CEP164: variants seen among roughly 807,000 people sequenced by gnomAD.
The protein encoded by CEP164 is centrosomal protein of 164 kDa.
Under a neutral mutation model 182.7 loss-of-function variants are expected in CEP164, and 162 were observed. The observed-to-expected ratio is 0.89, with a 90% CI of 0.78 to 1.01. The LOEUF (loss-of-function observed/expected upper bound fraction) is 1.01. CEP164 is among the 50% of genes least tolerant of loss of function. CEP164 has a pLI of 0.00. For synonymous variants in CEP164, 661 were observed against 690.0 expected (o/e 0.96, Z 0.66); for missense variants, 1,735 against 1,790.4 (o/e 0.97, Z 0.56).
Position 117,409,459 on chromosome 11 carries a change from G to A in CEP164, c.3749-159G>A. The A allele has an allele frequency of 2.9e-6, 2 of 684,818 alleles. No individual in the cohort carries two copies. The highest frequency in any genetic ancestry group is 5.0e-6 in the Non-Finnish European group (2 of 401,724). The allele number at this position is 684,818 out of a possible 1,614,324, so 42.4% of individuals were successfully genotyped here. ...TCTCACTTGCACTGTCTGGAACACA[G>A]AAGCCCTGCCATCCCTGACCCCCTC... On this transcript the variant is annotated intron_variant, in intron 29 of 32. Coordinates refer to ENST00000278935, the MANE Select transcript of CEP164 (RefSeq NM_014956.5). This position sits in a 1 kb window ranked among gnomAD's most constrained non-coding sequence, Gnocchi z 4.4.
At chr11:117,345,731 G>T (rs956842269) in intron 4 of CEP164, among the ~76,000 whole-genome samples, 11 of 151,722 alleles carry the variant, frequency 7.3e-5, no homozygotes, top group African/African-American at 2.7e-4. Context: ...TTGTTGCCCA[G>T]ACTGGAGTGC....
upstream of CEP164, among the ~76,000 whole-genome samples, chr11:117,327,315 A>G (rs2035508141): frequency 6.6e-6 from 1 of 152,168 alleles, no homozygotes; most frequent in African/African-American, 2.4e-5. Context: ...TTGATTATTG[A>G]TGACCACTGT....
In CEP164 at chr11:117,362,391, C is replaced by T. The variant is rs1592163839; in HGVS notation, c.553-13C>T. ...CCAAGTGAGTCCTTTGACTGTCCTT[C>T]TCTATTTTGAAGCCTTCACAGGGTC... On this transcript the variant is annotated splice_polypyrimidine_tract_variant and intron_variant, in intron 6 of 32. Coordinates refer to ENST00000278935, the MANE Select transcript of CEP164 (RefSeq NM_014956.5). The T allele has an allele frequency of 6.2e-7, 1 of 1,608,218 alleles. No homozygotes were observed. The highest frequency in any genetic ancestry group is 8.5e-7 in the Non-Finnish European group (1 of 1,176,144).
chr11:117,382,752 T>G (rs768486826), intron 13 of CEP164, 44 bp from the exon 14 acceptor site: 1 of 1,602,022 alleles, frequency 6.2e-7, no homozygotes, highest in East Asian at 2.2e-5. Context: ...AGCCTCTTGC[T>G]TTCTTACTGG....
chr11:117,324,921 C>A (rs566864118), upstream of CEP164, among the ~76,000 whole-genome samples: 4 of 152,146 alleles, frequency 2.6e-5, no homozygotes, highest in East Asian at 5.8e-4. Flanking sequence ...AAACAAAAAA[C>A]CAGATTGATT....
chr11:117,393,269 G>A, intron 20 of CEP164, 143 bp downstream of exon 20: 2 of 1,377,016 alleles, frequency 1.5e-6, no homozygotes, highest in Non-Finnish European at 1.9e-6. Context: ...GCAGAGGAAG[G>A]GGATAAACTG....
rs761834530 is a variant in CEP164 at position 117,395,022 on chromosome 11, T to C, written c.2844+19T>C. ...GGTCCAGGTGAGGGATCTGCAGGAGTCCTTGACCTCAGAGTCATAGCTTCT... is the reference window on the plus strand; with the variant it reads ...GGTCCAGGTGAGGGATCTGCAGGAGCCCTTGACCTCAGAGTCATAGCTTCT... On this transcript the variant is annotated intron_variant, in intron 22 of 32. Transcript: ENST00000278935. 2.5e-6 allele frequency: 4 copies of C among 1,613,134 alleles called. No individual in the cohort carries two copies. The East Asian group carries it at 6.7e-5, about 27-fold the overall frequency.
At chr11:117,363,305 C>T in intron 7 of CEP164, 124 bp from the exon 8 acceptor site, 1 of 661,532 alleles carries the variant, frequency 1.5e-6, no homozygotes. Flanking sequence ...GCTCTGAGTC[C>T]TCTGAAGCCC....
At chr11:117,395,772 C>T (rs1414722619) in intron 24 of CEP164, 50 bp downstream of exon 24, 4 of 1,551,102 alleles carry the variant, frequency 2.6e-6, no homozygotes, top group African/African-American at 2.7e-5. Context: ...CCTGCCTGCC[C>T]TCTGACCTCT....
At chr11:117,327,481 T>A (rs1016767777), upstream of CEP164, among the ~76,000 whole-genome samples, 1 of 147,978 alleles carries the variant, frequency 6.8e-6, no homozygotes, top group Non-Finnish European at 1.5e-5. Context: ...TTTTTTTTTT[T>A]AGTAGAGAAG....
At chr11:117,397,401 G>A in intron 27 of CEP164, 88 bp downstream of exon 27, 2 of 1,283,030 alleles carry the variant, frequency 1.6e-6, no homozygotes, top group Middle Eastern at 2.8e-4. Context: ...CCCCTCAGTT[G>A]GTCATTCTCG....
chr11:117,333,545 T>C (rs2036548871), intron 1 of CEP164, among the ~76,000 whole-genome samples: 1 of 152,186 alleles, frequency 6.6e-6, no homozygotes, highest in Non-Finnish European at 1.5e-5. Flanking sequence ...TCTCTCTTTT[T>C]TGAGACAGGG....
In CEP164 at chr11:117,387,276, G is replaced by C. The variant is rs1336440042; in HGVS notation, c.1798G>C (p.Ala600Pro). ...ACTAAAGGCCATGGAAGAGGCAGTG[G>C]CCCAAGTACTCGAGCAAGACCAGAG... ...AALKAMEEAVAQVLEQDQRHL... is the reference protein window; with the variant it reads ...AALKAMEEAVPQVLEQDQRHL... The change falls in exon 15 of 33, where the codon GCC (alanine) becomes CCC (proline). Residue 600 changes from alanine to proline, a missense_variant. Coordinates refer to ENST00000278935, the MANE Select transcript of CEP164 (RefSeq NM_014956.5). 21 of 1,614,214 alleles carry C rather than the reference G, an allele frequency of 1.3e-5. No individual in the cohort carries two copies. Among genetic ancestry groups the C allele is most frequent in the Non-Finnish European group, 1.8e-5 (21 of 1,180,034 alleles).
intron 5 of CEP164, among the ~76,000 whole-genome samples, chr11:117,353,110 C>T (rs2039866945): frequency 6.6e-6 from 1 of 152,048 alleles, no homozygotes; most frequent in South Asian, 2.1e-4. Flanking sequence ...GTGGGGCATG[C>T]TGAAGAGAGG....
At chr11:117,407,457 C>CAAA (rs1232486465) in intron 27 of CEP164, among the ~76,000 whole-genome samples, 800 of 66,026 alleles carry the variant, frequency 0.012, 2 homozygotes, top group East Asian at 0.014. Context: ...TCTGTCTCTA[C>CAAA]AAAAAAAAAA....
chr11:117,374,497 T>G (rs1361597775), intron 10 of CEP164, among the ~76,000 whole-genome samples: 1 of 151,876 alleles, frequency 6.6e-6, no homozygotes, highest in Non-Finnish European at 1.5e-5. Flanking sequence ...TGAACAGTAA[T>G]GATATGAGGG....
chr11:117,392,816 A>G (rs1309978207), intron 19 of CEP164, among the ~76,000 whole-genome samples, 188 bp from the exon 20 acceptor site: 1 of 152,014 alleles, frequency 6.6e-6, no homozygotes, highest in East Asian at 1.9e-4. Context: ...ATGCCCCTGT[A>G]TGCATGTGGG....
At chr11:117,393,171 ACACATGCACG>A (rs759047029) in intron 20 of CEP164, 45 bp downstream of exon 20, 9 of 1,596,776 alleles carry the variant, frequency 5.6e-6, no homozygotes, top group South Asian at 1.1e-5. Flanking sequence ...ACATGCACAC[ACACATGCACG>A]CACATGCACA....
At chr11:117,322,715 C>T (rs1171561255) in intron 1 of CEP164, among the ~76,000 whole-genome samples, 3 of 150,120 alleles carry the variant, frequency 2.0e-5, no homozygotes, top group Admixed American at 6.7e-5. Flanking sequence ...GTCACCACGC[C>T]TGGCATATTT....
Sources: allele counts gnomAD v4.1 joint callset (sites outside exome capture counted in the v4.1 genomes callset), GRCh38; gene constraint gnomAD v4.1.1; non-coding constraint Gnocchi (gnomAD v3.1); transcripts MANE v1.5; gene names NCBI Gene and HGNC (gene_info 2026-07-23, HGNC 2026-07-21).